Variants in OR7E24 observed in about 807,000 individuals in gnomAD.
OR7E24 encodes olfactory receptor 7E24.
For synonymous variants in OR7E24, 130 were observed against 157.5 expected (o/e 0.83, Z 1.31); for missense variants, 385 against 410.3 (o/e 0.94, Z 0.53).
the OR7E24 span, chr19:9,207,115 T>A: frequency 2.6e-5 from 4 of 152,224 alleles, no homozygotes; most frequent in African/African-American, 9.6e-5. Context: ...ATATACAGAT[T>A]GTCATTATGC....
upstream of OR7E24, among the ~76,000 whole-genome samples, chr19:9,248,712 C>A (rs1273117170): frequency 6.6e-6 from 1 of 152,250 alleles, no homozygotes; most frequent in Non-Finnish European, 1.5e-5. Flanking sequence ...TTCCTTGCAG[C>A]TCTCTACTTC....
chr19:9,212,170 C>A, the OR7E24 span: 1 of 152,002 alleles, frequency 6.6e-6, no homozygotes, highest in East Asian at 1.9e-4. Flanking sequence ...GGTATTCATC[C>A]CTCAACTATT....
At chr19:9,214,618 T>C in the OR7E24 span, 2 of 1,614,046 alleles carry the variant, frequency 1.2e-6, no homozygotes, top group East Asian at 4.5e-5. Context: ...GTGGTGGAGA[T>C]GAAACAGATG....
At chr19:9,227,954 C>T in the OR7E24 span, among the ~76,000 whole-genome samples, 1 of 151,214 alleles carries the variant, frequency 6.6e-6, no homozygotes, top group African/African-American at 2.4e-5. Flanking sequence ...GGGGTTTCAC[C>T]GTTTTAGCCG....
upstream of OR7E24, among the ~76,000 whole-genome samples, chr19:9,246,958 T>C (rs987415318): frequency 6.6e-6 from 1 of 152,180 alleles, no homozygotes; most frequent in Non-Finnish European, 1.5e-5. Context: ...GTGAATCTAC[T>C]TCATGCCACT....
At chr19:9,248,487 C>A (rs536659419), upstream of OR7E24, among the ~76,000 whole-genome samples, 31 of 152,194 alleles carry the variant, frequency 2.0e-4, no homozygotes, top group South Asian at 8.3e-4. Flanking sequence ...CTGCATCCAA[C>A]CTTCCCCCCC....
At chr19:9,248,475 C>T (rs2066136526), upstream of OR7E24, among the ~76,000 whole-genome samples, 1 of 152,210 alleles carries the variant, frequency 6.6e-6, no homozygotes, top group South Asian at 2.1e-4. Context: ...CCAGGCCTCT[C>T]TCTGCATCCA....
chr19:9,221,341 T>C, the OR7E24 span, among the ~76,000 whole-genome samples: 88 of 29,540 alleles, frequency 3.0e-3, no homozygotes, highest in African/African-American at 0.015. Flanking sequence ...TCTTTTGCCC[T>C]TTTTTTTTTT....
At chr19:9,214,144 T>G in the OR7E24 span, 1 of 1,612,124 alleles carries the variant, frequency 6.2e-7, no homozygotes, top group Non-Finnish European at 8.5e-7. Flanking sequence ...TACTTGCCCT[T>G]GGTGGAGGAC....
chr19:9,233,838 A>G, the OR7E24 span, among the ~76,000 whole-genome samples: 2 of 152,134 alleles, frequency 1.3e-5, no homozygotes, highest in African/African-American at 4.8e-5. Flanking sequence ...CAATCCGTCC[A>G]TGCAGAAAAT....
chr19:9,228,514 A>G, the OR7E24 span, among the ~76,000 whole-genome samples: 3 of 152,088 alleles, frequency 2.0e-5, no homozygotes, highest in Non-Finnish European at 4.4e-5. Context: ...TGCCACCTAT[A>G]TTTCCTCTAG....
chr19:9,227,256 A>T, the OR7E24 span, among the ~76,000 whole-genome samples: 2 of 148,108 alleles, frequency 1.4e-5, no homozygotes, highest in African/African-American at 2.5e-5. Flanking sequence ...TTTTTTCCAG[A>T]GTCCTGCTCT....
chr19:9,225,772 T>G, the OR7E24 span, among the ~76,000 whole-genome samples: 1 of 152,190 alleles, frequency 6.6e-6, no homozygotes, highest in African/African-American at 2.4e-5. Flanking sequence ...ATTCCTTACT[T>G]ATCCATTTCA....
chr19:9,221,204 G>A, the OR7E24 span, among the ~76,000 whole-genome samples: 145 of 151,030 alleles, frequency 9.6e-4, 1 homozygote, highest in East Asian at 0.027. Flanking sequence ...CCCGGGAGGG[G>A]GAGCTTGCAG....
the OR7E24 span, among the ~76,000 whole-genome samples, chr19:9,234,917 T>C: frequency 6.6e-6 from 1 of 152,028 alleles, no homozygotes; most frequent in African/African-American, 2.4e-5. Context: ...TGTCCATAGG[T>C]TTGAATCAAA....
the OR7E24 span, chr19:9,235,849 A>G: frequency 6.2e-7 from 1 of 1,611,226 alleles, no homozygotes; most frequent in Non-Finnish European, 8.5e-7. Flanking sequence ...GGGCAAGTAC[A>G]AAGCCTTTTC....
the OR7E24 span, among the ~76,000 whole-genome samples, chr19:9,222,658 C>A: frequency 1.3e-5 from 2 of 152,124 alleles, no homozygotes; most frequent in African/African-American, 4.8e-5. Context: ...TATGTATCCT[C>A]CAACTTTACT....
chr19:9,210,697 C>CACACACACACACACACACA, the OR7E24 span: 1 of 152,264 alleles, frequency 6.6e-6, no homozygotes, highest in African/African-American at 2.4e-5. Context: ...CACACACACA[C>CACACACACACACACACACA]ACACACACAC....
chr19:9,252,342 C>G lies in OR7E24; in HGVS notation c.*279C>G. On this transcript the variant is annotated 3_prime_UTR_variant, in exon 1 of 1. Transcript: ENST00000456448. ...TCTTTTCTGATAGACTTGAAATCCTCACTTAACTTTGTCAAGAGGTTTTTG... is the reference window on the plus strand; with the variant it reads ...TCTTTTCTGATAGACTTGAAATCCTGACTTAACTTTGTCAAGAGGTTTTTG... 1 of 222,278 alleles carries G rather than the reference C, an allele frequency of 4.5e-6. No individual in the cohort carries two copies. The highest frequency in any genetic ancestry group is 8.8e-6 in the Non-Finnish European group (1 of 113,478). The allele number at this position is 222,278 out of a possible 1,614,324, so 13.8% of individuals were successfully genotyped here. A position where few individuals can be genotyped will look rare whatever the true frequency, so the allele number is the denominator to read the frequency against.
Sources: gnomAD v4.1 joint callset for allele counts (sites outside exome capture counted in the v4.1 genomes callset) on GRCh38, gnomAD v4.1.1 for gene constraint, MANE v1.5 for transcripts, NCBI Gene and HGNC (gene_info 2026-07-23, HGNC 2026-07-21) for gene names.